Variants in LAMC1 observed in about 807,000 individuals in gnomAD.
LAMC1 encodes the protein laminin subunit gamma 1, also known as laminin subunit gamma-1.
In LAMC1, 38 loss-of-function variants were observed where a neutral mutation model predicts 173.6. The observed-to-expected ratio is 0.22, with a 90% CI of 0.17 to 0.29. LAMC1 has a LOEUF of 0.29. Among genes scored for constraint, LAMC1 ranks in the 10% least tolerant of loss-of-function variants. The pLI is 1.00. For synonymous variants in LAMC1, 746 were observed against 749.1 expected (o/e 1.00, Z 0.07); for missense variants, 1,824 against 2,051.8 (o/e 0.89, Z 2.14).
intron 1 of LAMC1, among the ~76,000 whole-genome samples, chr1:183,029,146 G>A (rs868264098): frequency 5.3e-5 from 8 of 152,154 alleles, no homozygotes; most frequent in Non-Finnish European, 1.2e-4. Flanking sequence ...GTGGTCGGTC[G>A]GTTCTGGGTA....
chr1:183,048,270 A>G (rs1654322003), intron 1 of LAMC1, among the ~76,000 whole-genome samples: 1 of 152,222 alleles, frequency 6.6e-6, no homozygotes, highest in Non-Finnish European at 1.5e-5. Context: ...ACAAGGAAAC[A>G]TGCTGATAAA....
rs776974385 is a variant in LAMC1, at chr1:183,132,507, C to A, written c.3674C>A (p.Thr1225Lys). ...AGGACACTGGCAGGAGAAAATCAAA[C>A]AGCATTTGAGATTGAAGAGCTTAAT... is the stretch of plus-strand genomic sequence containing the variant. ...LLRTLAGENQ[T>K]AFEIEELNRK... The change falls in exon 21 of 28, where the codon ACA becomes AAA. Residue 1225 changes from threonine (T) to lysine (K), a missense_variant. By Grantham distance (78) the Thr-to-Lys change is moderately conservative (BLOSUM62 -1). Transcript: ENST00000258341. 1.2e-6 allele frequency: 2 copies of A among 1,613,724 alleles called. No homozygotes were observed. Among genetic ancestry groups the A allele is most frequent in the African/African-American group, 2.7e-5 (2 of 74,910 alleles).
intron 1 of LAMC1, among the ~76,000 whole-genome samples, chr1:183,080,196 A>C (rs1336667142): frequency 6.6e-6 from 1 of 152,186 alleles, no homozygotes; most frequent in Non-Finnish European, 1.5e-5. Flanking sequence ...GTGAGCCGAG[A>C]TTATGCCATT....
chr1:183,052,331 T>C (rs955547065), intron 1 of LAMC1, among the ~76,000 whole-genome samples: 2 of 152,114 alleles, frequency 1.3e-5, no homozygotes, highest in Non-Finnish European at 2.9e-5. Flanking sequence ...ATCTTTCTTT[T>C]GTTCTTTCTT....
At chr1:183,126,506 CTT>C (rs1656625143) in intron 16 of LAMC1, among the ~76,000 whole-genome samples, 1 of 152,168 alleles carries the variant, frequency 6.6e-6, no homozygotes, top group Non-Finnish European at 1.5e-5. Context: ...TTTTTCCAAT[CTT>C]TTATTTTTTC....
rs527705926 is a variant in LAMC1, at chr1:183,117,637, T to C, written c.1791T>C (p.Leu597=). Residue 597 remains leucine, a synonymous_variant, in exon 10 of 28, where the codon CTT becomes CTC. Transcript: ENST00000258341. ...GCCTCTCTGCAGAAGACCTTGTGCT[T>C]GAGGGAGCTGGCTTAAGAGTATCTG... ...DTRLSAEDLV[L]EGAGLRVSVP... 1.1e-4 allele frequency: 181 copies of C among 1,614,210 alleles called. No individual in the cohort carries two copies. The East Asian group carries it at 3.5e-3, about 31-fold the overall frequency.
chr1:183,078,020 GTGTT>G (rs1655165270), intron 1 of LAMC1, among the ~76,000 whole-genome samples: 1 of 151,786 alleles, frequency 6.6e-6, no homozygotes, highest in Non-Finnish European at 1.5e-5. Context: ...TTGCTTGTGT[GTGTT>G]TGTGTGTTTG....
At chr1:183,041,293 A>G (rs1281818546) in intron 1 of LAMC1, among the ~76,000 whole-genome samples, 1 of 152,014 alleles carries the variant, frequency 6.6e-6, no homozygotes, top group East Asian at 1.9e-4. Context: ...TTCATAGTAA[A>G]CATGCTCCCA....
chr1:183,082,077 TTTTTATCACTGGATAATA>T (rs1212223460), intron 1 of LAMC1, among the ~76,000 whole-genome samples: 1 of 152,266 alleles, frequency 6.6e-6, no homozygotes, highest in Non-Finnish European at 1.5e-5. Context: ...TAGCTCATTC[TTTTTATCACTGGATAATA>T]TTCCATTGTA....
intron 1 of LAMC1, among the ~76,000 whole-genome samples, chr1:183,074,477 G>A (rs944312564): frequency 4.6e-5 from 7 of 152,216 alleles, no homozygotes; most frequent in African/African-American, 1.7e-4. Context: ...TGCCACTCTT[G>A]ACAGGGTCCT....
intron 1 of LAMC1, among the ~76,000 whole-genome samples, chr1:183,064,258 A>G (rs915220724): frequency 1.3e-5 from 2 of 152,172 alleles, no homozygotes; most frequent in African/African-American, 2.4e-5. Flanking sequence ...TGATTTTGTC[A>G]TTGTGTGAAT....
chr1:183,133,516 C>T lies in LAMC1; in HGVS notation c.3815C>T (p.Ala1272Val). Residue 1272 changes from alanine to valine, a missense_variant, in exon 22 of 28, where the codon GCT becomes GTT. Transcript: ENST00000258341. ...DKAVEIYASVAQLSPLDSETL... is the reference protein window; with the variant it reads ...DKAVEIYASVVQLSPLDSETL... The stretch of plus-strand genomic sequence containing the variant: ...GCTGTGGAGATCTATGCCAGCGTGG[C>T]TCAGCTGAGCCCTTTGGACTCTGAG... 2.5e-6 allele frequency: 4 copies of T among 1,613,764 alleles called. No individual in the cohort carries two copies. The highest frequency in any genetic ancestry group is 3.4e-6 in the Non-Finnish European group (4 of 1,179,832).
At chr1:183,118,355 T>C (rs961629637) in intron 11 of LAMC1, among the ~76,000 whole-genome samples, 1 of 152,182 alleles carries the variant, frequency 6.6e-6, no homozygotes, top group African/African-American at 2.4e-5. Context: ...TAAATAGTAT[T>C]ATTTACTAAT....
rs780756641 is a variant in LAMC1, at chr1:183,127,296, A to T, written c.3015A>T (p.Glu1005Asp). The T allele has an allele frequency of 6.2e-7, 1 of 1,614,208 alleles. No homozygotes were observed. Among genetic ancestry groups the T allele is most frequent in the South Asian group, 1.1e-5 (1 of 91,082 alleles). ...ATGATGGTCGCTGTGAATGCAGAGA[A>T]GGCTTTGTGGGAAATCGCTGTGACC... The part of the protein sequence containing the change: ...CKDDGRCECR[E>D]GFVGNRCDQC... Residue 1005 changes from glutamate (E) to aspartate (D), a missense_variant, in exon 17 of 28, where the codon GAA (glutamate) becomes GAT (aspartate). By Grantham distance (45) the Glu-to-Asp change is conservative. Transcript: ENST00000258341.
chr1:183,131,402 T>C, intron 20 of LAMC1, 24 bp downstream of exon 20: 1 of 1,549,614 alleles, frequency 6.5e-7, no homozygotes, highest in Non-Finnish European at 8.8e-7. Flanking sequence ...CCCTGTTTAA[T>C]GGTTAAGTTG....
chr1:183,138,150 G>T, intron 26 of LAMC1: 1 of 754,448 alleles, frequency 1.3e-6, no homozygotes, highest in Non-Finnish European at 1.6e-6. Context: ...AAAAAGGAAT[G>T]CAATGAAGTT....
rs547621216 is a variant in LAMC1 at position 183,059,369 on chromosome 1, C to T, written c.418+35235C>T. Among the ~76,000 whole-genome samples the T allele has an allele frequency of 6.4e-4, 97 of 152,192 alleles. 1 individual carries two copies. The Middle Eastern group carries it at 0.024, about 37-fold the overall frequency. ...TAAGCCCACTTGCCCTGTTATATACCAGCATTTGTGGTTTGTATTAATAAC... is the reference window on the plus strand; with the variant it reads ...TAAGCCCACTTGCCCTGTTATATACTAGCATTTGTGGTTTGTATTAATAAC... On this transcript the variant is annotated intron_variant, in intron 1 of 27. Transcript: ENST00000258341.
chr1:183,117,473 C>T (rs760933360), intron 9 of LAMC1, 31 bp downstream of exon 9: 1 of 1,610,520 alleles, frequency 6.2e-7, no homozygotes, highest in Non-Finnish European at 8.5e-7. Flanking sequence ...GTCTGACCTG[C>T]TGTGTGCCTC....
At chr1:183,042,188 G>A (rs1654154351) in intron 1 of LAMC1, among the ~76,000 whole-genome samples, 1 of 152,118 alleles carries the variant, frequency 6.6e-6, no homozygotes, top group South Asian at 2.1e-4. Context: ...TGACATTCAG[G>A]GACTCATGAG....
Sources: allele counts gnomAD v4.1 joint callset (sites outside exome capture counted in the v4.1 genomes callset), GRCh38; gene constraint gnomAD v4.1.1; transcripts MANE v1.5; gene names NCBI Gene and HGNC (gene_info 2026-07-23, HGNC 2026-07-21).